Variants in RABGAP1L observed in about 807,000 individuals in gnomAD.
The protein encoded by RABGAP1L is RAB GTPase activating protein 1 like, also known as rab GTPase-activating protein 1-like.
RABGAP1L carries 63 observed loss-of-function variants against 137.7 expected under a neutral mutation model. That is an observed-to-expected ratio of 0.46 (90% CI 0.37 to 0.56). RABGAP1L has a LOEUF of 0.56. Among genes scored for constraint, RABGAP1L ranks in the 20% least tolerant of loss-of-function variants. The pLI is 0.00. For missense variants in RABGAP1L, 1,095 were observed against 1,244.0 expected, an observed-to-expected ratio of 0.88 and a Z score of 1.80; for synonymous variants, 431 against 433.7, an observed-to-expected ratio of 0.99 and a Z score of 0.08.
intron 11 of RABGAP1L, among the ~76,000 whole-genome samples, chr1:174,321,983 A>C (rs1680037449): frequency 1.5e-5 from 2 of 137,064 alleles, no homozygotes; most frequent in South Asian, 4.4e-4. Context: ...TATATATATT[A>C]GACAATTTTT....
Position 174,702,197 on chromosome 1 carries a change from T to C in RABGAP1L, c.2110T>C (p.Phe704Leu). The change falls in exon 17 of 26, where the codon TTT (phenylalanine) becomes CTT (leucine). Residue 704 changes from phenylalanine (F) to leucine (L), a missense_variant. Phe to Leu is a conservative substitution (Grantham distance 22). Coordinates refer to ENST00000681986, the MANE Select transcript of RABGAP1L (RefSeq NM_001366446.1). ...MYASQWFLTLFTAKFPLCMVF... is the reference protein window; with the variant it reads ...MYASQWFLTLLTAKFPLCMVF... ...TGCATCCCAGTGGTTTCTCACTCTT[T>C]TTACTGCCAAGTTCCCACTCTGCAT... 8.1e-6 allele frequency: 13 copies of C among 1,612,782 alleles called. No homozygotes were observed. Among genetic ancestry groups the C allele is most frequent in the Non-Finnish European group, 1.1e-5 (13 of 1,179,274 alleles).
chr1:174,837,319 G>T (rs1439059809), intron 19 of RABGAP1L, among the ~76,000 whole-genome samples: 1 of 152,148 alleles, frequency 6.6e-6, no homozygotes, highest in Non-Finnish European at 1.5e-5. Context: ...TCATTACCTG[G>T]AAATTGAAAA....
chr1:174,496,921 G>A (rs1485100727), intron 13 of RABGAP1L, among the ~76,000 whole-genome samples: 1 of 152,110 alleles, frequency 6.6e-6, no homozygotes, highest in Non-Finnish European at 1.5e-5. Flanking sequence ...AGAGAAAATC[G>A]ATGCTGCAGA....
intron 19 of RABGAP1L, among the ~76,000 whole-genome samples, chr1:174,934,353 C>T (rs908815147): frequency 1.3e-5 from 2 of 152,144 alleles, no homozygotes; most frequent in Non-Finnish European, 2.9e-5. Context: ...CTCCCAGGTG[C>T]TGGGATTACA....
intron 11 of RABGAP1L, among the ~76,000 whole-genome samples, chr1:174,315,630 T>G (rs1679305617): frequency 6.6e-6 from 1 of 151,832 alleles, no homozygotes; most frequent in Admixed American, 6.6e-5. Context: ...GCCTTTTTTT[T>G]TTTTTTTGAG....
chr1:174,751,632 C>T (rs1480182111), intron 17 of RABGAP1L, among the ~76,000 whole-genome samples: 1 of 152,116 alleles, frequency 6.6e-6, no homozygotes, highest in Non-Finnish European at 1.5e-5. Flanking sequence ...TTGGGCAGAA[C>T]CCAGAGTTCA....
chr1:174,769,118 T>C (rs1002603244), intron 18 of RABGAP1L, among the ~76,000 whole-genome samples: 8 of 152,186 alleles, frequency 5.3e-5, no homozygotes, highest in African/African-American at 1.9e-4. Flanking sequence ...AAGAGGTTAA[T>C]TGATATGAAG....
At chr1:174,942,942 T>C (rs1316545778) in intron 19 of RABGAP1L, among the ~76,000 whole-genome samples, 2 of 152,206 alleles carry the variant, frequency 1.3e-5, no homozygotes, top group Non-Finnish European at 2.9e-5. Context: ...AGAAACTATC[T>C]TCTTTGTCTT....
At chr1:174,189,311 A>T (rs1667039862) in intron 1 of RABGAP1L, among the ~76,000 whole-genome samples, 1 of 152,142 alleles carries the variant, frequency 6.6e-6, no homozygotes, top group South Asian at 2.1e-4. Context: ...GGCAGATAGC[A>T]TTTCTTTCAG....
chr1:174,548,149 A>G (rs2147969750), intron 13 of RABGAP1L: 1 of 1,484,294 alleles, frequency 6.7e-7, no homozygotes, highest in Admixed American at 2.3e-5. Flanking sequence ...TCCCAGGTTG[A>G]TGTTACATAT....
At chr1:174,567,873 C>T (rs542820139) in intron 13 of RABGAP1L, among the ~76,000 whole-genome samples, 1 of 152,236 alleles carries the variant, frequency 6.6e-6, no homozygotes, top group Admixed American at 6.5e-5. Context: ...ACCAACAGAC[C>T]TGTGCTCCAG....
rs1197190423 is a variant in RABGAP1L at position 174,349,862 on chromosome 1, G to A, written c.1466-21117G>A. On this transcript the variant is annotated intron_variant, in intron 11 of 25. Transcript: ENST00000681986. The stretch of plus-strand genomic sequence containing the variant: ...GGGGCGGCTGGCCGGGCGGGGCGCT[G>A]ACCCCCCCACCTCCCTCCTGGATGG... 2.8e-4 allele frequency among the ~76,000 whole-genome samples: 35 copies of A among 125,878 alleles called. No individual in the cohort carries two copies. In the South Asian group the frequency reaches 8.7e-3, roughly 31 times the overall value. The allele number at this position is 125,878 out of a possible 152,430, so 82.6% of individuals were successfully genotyped here. A position where few individuals can be genotyped will look rare whatever the true frequency, so the allele number is the denominator to read the frequency against.
chr1:174,672,281 C>CTTT lies in RABGAP1L; in HGVS notation c.1825-11226_1825-11224dup, dbSNP rs1256381168. ...ATTTCATTGATTTTTTTTTTCCTTTCTTTTTTTTTTTTTTTTTGATATGGA... is the reference window on the plus strand; with the variant it reads ...ATTTCATTGATTTTTTTTTTCCTTTCTTTTTTTTTTTTTTTTTTTTGATATGGA... On this transcript the variant is annotated intron_variant, in intron 14 of 25. Coordinates refer to ENST00000681986, the MANE Select transcript of RABGAP1L (RefSeq NM_001366446.1). Among the ~76,000 whole-genome samples the CTTT allele has an allele frequency of 2.0e-3, 240 of 118,358 alleles. 1 individual carries two copies. Among genetic ancestry groups the CTTT allele is most frequent in the South Asian group, 0.016 (58 of 3,714 alleles). The allele number at this position is 118,358 out of a possible 152,430, so 77.6% of individuals were successfully genotyped here.
intron 8 of RABGAP1L, 76 bp from the exon 9 acceptor site, chr1:174,275,757 C>CTT: frequency 9.2e-7 from 1 of 1,084,226 alleles, no homozygotes; most frequent in Non-Finnish European, 1.4e-6. Context: ...ATTTGTATTG[C>CTT]TTAAAGTAAG....
chr1:174,632,987 A>T (rs1193467433), intron 13 of RABGAP1L, among the ~76,000 whole-genome samples: 3 of 152,006 alleles, frequency 2.0e-5, no homozygotes. Context: ...TAGAGTTTCC[A>T]GTTTTTCTGT....
At position 174,439,175 on chromosome 1, in the gene RABGAP1L, A is replaced by G. The variant is rs536623729; in HGVS notation, c.1710+45030A>G. Reference sequence around the variant, plus strand: ...AAAGCATTTAATATTTCACCATTAAATATTTCACCATTAAATATTATGCTA... The same window carrying G: ...AAAGCATTTAATATTTCACCATTAAGTATTTCACCATTAAATATTATGCTA... On this transcript the variant is annotated intron_variant, in intron 13 of 25. Coordinates refer to ENST00000681986, the MANE Select transcript of RABGAP1L (RefSeq NM_001366446.1). 3.0e-3 allele frequency among the ~76,000 whole-genome samples: 457 copies of G among 152,194 alleles called. 2 individuals carry two copies. The highest frequency in any genetic ancestry group is 4.7e-3 in the Non-Finnish European group (322 of 68,000).
chr1:174,614,010 C>G (rs913553593), intron 13 of RABGAP1L, among the ~76,000 whole-genome samples: 2 of 152,146 alleles, frequency 1.3e-5, no homozygotes, highest in African/African-American at 2.4e-5. Context: ...ACTCTTTATC[C>G]AATTTGCCAG....
At chr1:174,892,878 C>T (rs1276235954) in intron 19 of RABGAP1L, among the ~76,000 whole-genome samples, 3 of 149,974 alleles carry the variant, frequency 2.0e-5, no homozygotes, top group African/African-American at 7.3e-5. Context: ...TACAGGCGCC[C>T]GCCACCTCAC....
At chr1:174,689,246 G>A (rs1400912489) in intron 15 of RABGAP1L, among the ~76,000 whole-genome samples, 1 of 151,870 alleles carries the variant, frequency 6.6e-6, no homozygotes, top group African/African-American at 2.4e-5. Context: ...ACCAATGGAA[G>A]TAAATAAGAA....
Sources: gnomAD v4.1 joint callset for allele counts (sites outside exome capture counted in the v4.1 genomes callset) on GRCh38, gnomAD v4.1.1 for gene constraint, MANE v1.5 for transcripts, NCBI Gene and HGNC (gene_info 2026-07-23, HGNC 2026-07-21) for gene names.